LAMA4: variants seen among roughly 807,000 people sequenced by gnomAD.
LAMA4 encodes laminin subunit alpha-4.
LAMA4 carries 127 observed loss-of-function variants against 207.1 expected under a neutral mutation model. That is an observed-to-expected ratio of 0.61 (90% confidence interval 0.53 to 0.71). The LOEUF is 0.71. Among genes scored for constraint, LAMA4 ranks in the 30% least tolerant of loss-of-function variants. The pLI, the probability that LAMA4 is intolerant of heterozygous loss-of-function variation, is 0.00. For missense variants in LAMA4, 2,093 were observed against 2,246.5 expected, an observed-to-expected ratio of 0.93 and a Z score of 1.38; for synonymous variants, 761 against 816.0, an observed-to-expected ratio of 0.93 and a Z score of 1.15.
Position 112,172,676 on chromosome 6 carries a change from G to C in LAMA4, c.1486C>G (p.Leu496Val), listed in dbSNP as rs1332788334. ...SDLQEALDQA[L>V]NYVRDAEDMN... ...TCTTCGGCATCCCTGACATAGTTAA[G>C]GGCCTGGTCAAGTGCTTCCTGGAGA... is the stretch of plus-strand genomic sequence containing the variant. The change falls in exon 12 of 39, where the codon CTT (leucine) becomes GTT (valine). Residue 496 changes from leucine to valine, a missense_variant. Physicochemically the swap from Leu to Val is conservative, Grantham distance 32. Transcript: ENST00000230538. 3.7e-6 allele frequency: 6 copies of C among 1,613,732 alleles called. No individual in the cohort carries two copies. Among genetic ancestry groups the C allele is most frequent in the Non-Finnish European group, 5.1e-6 (6 of 1,180,006 alleles).
chr6:112,205,701 AC>A (rs140099023), intron 4 of LAMA4, among the ~76,000 whole-genome samples: 8,338 of 152,060 alleles, frequency 0.055, 723 homozygotes, highest in African/African-American at 0.19. Context: ...TAATGAAGTG[AC>A]TCACAGTGGA....
chr6:112,224,381 GTCC>G (rs1428242286), intron 2 of LAMA4, among the ~76,000 whole-genome samples: 2 of 151,572 alleles, frequency 1.3e-5, no homozygotes, highest in Non-Finnish European at 2.9e-5. Flanking sequence ...CCTTCTTCTT[GTCC>G]AGCAGATCTT....
chr6:112,186,915 G>C, intron 8 of LAMA4: 1 of 455,162 alleles, frequency 2.2e-6, no homozygotes, highest in South Asian at 1.6e-5. Context: ...GAGCTATGAG[G>C]AGAAACAAGG....
Position 112,146,196 on chromosome 6 carries a change from G to A in LAMA4, c.2354-1263C>T, listed in dbSNP as rs554947353. On this transcript the variant is annotated intron_variant, in intron 18 of 38. Coordinates refer to ENST00000230538, the MANE Select transcript of LAMA4 (RefSeq NM_001105206.3). Reference sequence around the variant, plus strand: ...TCCCAGCTACTCGGGAGGCTGAGGCGGGAGAATCGCTTGAACCCGAGAGGC... The same window carrying A: ...TCCCAGCTACTCGGGAGGCTGAGGCAGGAGAATCGCTTGAACCCGAGAGGC... Among the ~76,000 whole-genome samples the A allele has an allele frequency of 6.6e-5, 10 of 152,102 alleles. No homozygotes were observed. The South Asian group carries it at 1.0e-3, about 16-fold the overall frequency.
At chr6:112,124,802 G>A (rs972726465) in intron 31 of LAMA4, among the ~76,000 whole-genome samples, 10 of 151,374 alleles carry the variant, frequency 6.6e-5, no homozygotes, top group African/African-American at 2.4e-4. Flanking sequence ...TGTTGCCCAG[G>A]CTGGAGTGCA....
intron 11 of LAMA4, 81 bp from the exon 12 acceptor site, chr6:112,172,885 A>G: frequency 8.8e-7 from 1 of 1,133,712 alleles, no homozygotes. Context: ...CAAAGTTGCA[A>G]AATTCTCAGG....
At chr6:112,190,661 A>T (rs6906381) in intron 6 of LAMA4, among the ~76,000 whole-genome samples, 12,237 of 152,306 alleles carry the variant, frequency 0.08, 730 homozygotes, top group South Asian at 0.15. Context: ...TGTGCGTTTC[A>T]GTCTAACTGA....
rs1554330546 is a variant in LAMA4 at position 112,133,401 on chromosome 6, A to C, written c.3644T>G (p.Leu1215Arg). The change falls in exon 27 of 39, where the codon CTG (leucine) becomes CGG (arginine). Residue 1215 changes from leucine to arginine, a missense_variant. Around this residue, in one of 3 missense-constraint regions of LAMA4, gnomAD observed 1,704 missense variants for 1,788.4 expected, o/e 0.95. Coordinates refer to ENST00000230538, the MANE Select transcript of LAMA4 (RefSeq NM_001105206.3). The part of the protein sequence containing the change: ...FQFQKKDFNL[L>R]EQTETLGVGY... ...AACTCCCAGGGTTTCTGTCTGCTCC[A>C]GTAAATTGAAGTCCTTCTTTTGGAA... 1 of 1,613,870 alleles carries C rather than the reference A, an allele frequency of 6.2e-7. No homozygotes were observed. The highest frequency in any genetic ancestry group is 1.1e-5 in the South Asian group (1 of 91,088).
chr6:112,220,530 T>C (rs1264174265), intron 2 of LAMA4, among the ~76,000 whole-genome samples: 1 of 152,180 alleles, frequency 6.6e-6, no homozygotes, highest in Non-Finnish European at 1.5e-5. Context: ...GGACATGTTG[T>C]TATCACTGCA....
In LAMA4 at chr6:112,229,663, C is replaced by A. The variant is rs549963619; in HGVS notation, c.196-13194G>T. ...CTAGTAGAAGACTGAACAGAGCTAA[C>A]AAATGGAATTCTATCCATCTGGGGA... On this transcript the variant is annotated intron_variant, in intron 2 of 38. Coordinates refer to ENST00000230538, the MANE Select transcript of LAMA4 (RefSeq NM_001105206.3). Among the ~76,000 whole-genome samples the A allele has an allele frequency of 1.6e-4, 25 of 152,286 alleles. No individual in the cohort carries two copies. In the South Asian group the frequency reaches 4.8e-3, roughly 29 times the overall value.
chr6:112,187,297 A>C, intron 8 of LAMA4, 153 bp downstream of exon 8: 1 of 878,062 alleles, frequency 1.1e-6, no homozygotes. Context: ...TTTCCTATGA[A>C]ATTACTTATG....
chr6:112,188,912 C>G, intron 7 of LAMA4, 198 bp downstream of exon 7: 1 of 582,202 alleles, frequency 1.7e-6, no homozygotes. Flanking sequence ...CAAATGTAAA[C>G]CACCCATTTG....
chr6:112,228,899 C>A (rs960079708), intron 2 of LAMA4, among the ~76,000 whole-genome samples: 1 of 152,138 alleles, frequency 6.6e-6, no homozygotes, highest in Admixed American at 6.5e-5. Context: ...CCAGCACACC[C>A]TCGTTCTCAG....
At position 112,115,814 on chromosome 6, in the gene LAMA4, G is replaced by A. The variant is rs782743782; in HGVS notation, c.5112+49C>T. The A allele has an allele frequency of 2.8e-5, 44 of 1,578,058 alleles. No individual in the cohort carries two copies. In the Admixed American group the frequency reaches 7.2e-4, roughly 26 times the overall value. On this transcript the variant is annotated intron_variant, in intron 36 of 38. Transcript: ENST00000230538. ...GTGAAATAAATCTGCTTCAGATCTA[G>A]AATCCAAGGTCAGATGAGACAAATT... is the stretch of plus-strand genomic sequence containing the variant.
chr6:112,154,758 T>G (rs1487162215), intron 16 of LAMA4, 93 bp downstream of exon 16: 4 of 841,582 alleles, frequency 4.8e-6, no homozygotes, highest in Non-Finnish European at 8.4e-6. Flanking sequence ...AATACTATTC[T>G]TTAATCCTAG....
chr6:112,146,413 G>A (rs782095092), intron 18 of LAMA4, among the ~76,000 whole-genome samples: 14 of 152,228 alleles, frequency 9.2e-5, no homozygotes, highest in Non-Finnish European at 1.9e-4. Context: ...GTGGTTCCCA[G>A]ACAAGCAGCA....
rs782339977 is a variant in LAMA4 at position 112,122,204 on chromosome 6, A to C, written c.4288-3T>G. ...GGTGCATCTTTACTTTTCCCTCCCT[A>C]TAAAAGTAAACCAAATTAAGGGATA... On this transcript the variant is annotated splice_region_variant and splice_polypyrimidine_tract_variant and intron_variant, in intron 31 of 38. Transcript: ENST00000230538. 2 of 1,612,402 alleles carry C rather than the reference A, an allele frequency of 1.2e-6. No individual in the cohort carries two copies. Among genetic ancestry groups the C allele is most frequent in the Admixed American group, 3.3e-5 (2 of 60,002 alleles).
chr6:112,116,581 A>G (rs921403854), intron 35 of LAMA4, among the ~76,000 whole-genome samples: 2 of 152,218 alleles, frequency 1.3e-5, no homozygotes, highest in Non-Finnish European at 2.9e-5. Context: ...GTTGTACAGC[A>G]TTTCAGAGGA....
At chr6:112,230,987 C>T (rs1170635260) in intron 2 of LAMA4, among the ~76,000 whole-genome samples, 3 of 152,300 alleles carry the variant, frequency 2.0e-5, no homozygotes, top group East Asian at 1.9e-4. Context: ...CACTCAACCA[C>T]GCTTCTTGAT....
Sources: gnomAD v4.1 joint callset for allele counts (sites outside exome capture counted in the v4.1 genomes callset) on GRCh38, gnomAD v4.1.1 for gene constraint, gnomAD v4.1.1 regional missense constraint, MANE v1.5 for transcripts, NCBI Gene and HGNC (gene_info 2026-07-23, HGNC 2026-07-21) for gene names.